NRCAM: variants seen among roughly 807,000 people sequenced by gnomAD.
NRCAM encodes the protein neuronal cell adhesion molecule.
Under a neutral mutation model 156.5 loss-of-function variants are expected in NRCAM, and 83 were observed. That is an observed-to-expected ratio of 0.53 (90% CI 0.44 to 0.64). NRCAM has a LOEUF of 0.64. NRCAM is among the 30% of genes least tolerant of loss of function. The pLI is 0.00. For synonymous variants in NRCAM, 538 were observed against 563.9 expected (o/e 0.95, Z 0.65); for missense variants, 1,417 against 1,597.3 (o/e 0.89, Z 1.92).
At position 108,209,416 on chromosome 7, in the gene NRCAM, T is replaced by C. The variant is rs754754511; in HGVS notation, c.1075+5A>G. On this transcript the variant is annotated splice_donor_5th_base_variant and intron_variant, in intron 12 of 32. Transcript: ENST00000379028. Reference sequence around the variant, plus strand: ...GGCAAGAAGAATGGATTTTAAACAATATACCTTTAACTCTAACAGAAATGG... The same window carrying C: ...GGCAAGAAGAATGGATTTTAAACAACATACCTTTAACTCTAACAGAAATGG... 2 of 1,563,162 alleles carry C rather than the reference T, an allele frequency of 1.3e-6. No homozygotes were observed. The highest frequency in any genetic ancestry group is 2.1e-5 in the Admixed American group (1 of 48,694).
At chr7:108,271,371 C>T (rs911832060) in intron 3 of NRCAM, among the ~76,000 whole-genome samples, 20 of 152,310 alleles carry the variant, frequency 1.3e-4, no homozygotes, top group Non-Finnish European at 2.4e-4. Context: ...ACTGTGCCCA[C>T]ACTTTCTCTT....
intron 30 of NRCAM, among the ~76,000 whole-genome samples, chr7:108,161,213 C>CA (rs2048742729): frequency 6.6e-6 from 1 of 151,324 alleles, no homozygotes; most frequent in Admixed American, 6.6e-5. Context: ...GAATATCTCT[C>CA]AGTCAGTGAA....
At chr7:108,244,236 T>C (rs553483588) in intron 3 of NRCAM, among the ~76,000 whole-genome samples, 10 of 151,834 alleles carry the variant, frequency 6.6e-5, no homozygotes, top group African/African-American at 2.2e-4. Context: ...TCCATGCTGG[T>C]TGAACACATA....
chr7:108,293,981 A>T (rs535966268), intron 3 of NRCAM, among the ~76,000 whole-genome samples: 3 of 152,044 alleles, frequency 2.0e-5, no homozygotes, highest in Non-Finnish European at 4.4e-5. Context: ...AGGAGTTTGC[A>T]CCCTAAATTT....
intron 19 of NRCAM, 148 bp downstream of exon 19, chr7:108,191,106 G>C (rs1257557565): frequency 1.1e-5 from 6 of 562,784 alleles, no homozygotes; most frequent in African/African-American, 3.9e-5. Flanking sequence ...TTCATTGTCA[G>C]TAAATGGGTG....
intron 1 of NRCAM, among the ~76,000 whole-genome samples, chr7:108,424,837 A>AAT (rs1350442764): frequency 6.6e-6 from 1 of 152,122 alleles, no homozygotes; most frequent in African/African-American, 2.4e-5. Flanking sequence ...TGTCTAATAG[A>AAT]ATATATATGA....
At chr7:108,364,031 A>G (rs928750424) in intron 2 of NRCAM, among the ~76,000 whole-genome samples, 2 of 152,226 alleles carry the variant, frequency 1.3e-5, no homozygotes, top group Non-Finnish European at 2.9e-5. Flanking sequence ...ATAATAATGT[A>G]TTCATATTGA....
intron 3 of NRCAM, among the ~76,000 whole-genome samples, chr7:108,295,937 TG>T (rs2098445885): frequency 6.6e-6 from 1 of 152,120 alleles, no homozygotes; most frequent in African/African-American, 2.4e-5. Context: ...GCTTTGTATA[TG>T]GGGGGTTCTG....
In NRCAM at chr7:108,413,918, G is replaced by A. The variant is rs553806696; in HGVS notation, c.-331-14325C>T. On this transcript the variant is annotated intron_variant, in intron 1 of 32. Coordinates refer to ENST00000379028, the MANE Select transcript of NRCAM (RefSeq NM_001037132.4). ...CATCAGCTGTCTCAGCCTCTCTGTA[G>A]CTGATGGCTCTGACTCAGCCTCTGT... 1.8e-4 allele frequency among the ~76,000 whole-genome samples: 28 copies of A among 152,228 alleles called. 1 individual carries two copies. In the South Asian group the frequency reaches 5.6e-3, roughly 30 times the overall value.
chr7:108,255,881 G>A (rs867483739), intron 3 of NRCAM, among the ~76,000 whole-genome samples: 5 of 149,064 alleles, frequency 3.4e-5, no homozygotes, highest in South Asian at 4.3e-4. Flanking sequence ...AGTGAGGAGC[G>A]TCTCCGCCCG....
intron 1 of NRCAM, among the ~76,000 whole-genome samples, chr7:108,438,298 C>T (rs1416686467): frequency 1.3e-5 from 2 of 151,954 alleles, no homozygotes; most frequent in African/African-American, 4.8e-5. Context: ...GATCTGAATT[C>T]GGCAGCACAT....
intron 1 of NRCAM, among the ~76,000 whole-genome samples, chr7:108,414,004 T>C (rs1178019099): frequency 2.0e-5 from 3 of 152,210 alleles, no homozygotes; most frequent in Non-Finnish European, 4.4e-5. Context: ...GCTGCTATTA[T>C]AGAGACTCTG....
At chr7:108,390,267 C>G (rs2099755387) in intron 2 of NRCAM, among the ~76,000 whole-genome samples, 1 of 152,122 alleles carries the variant, frequency 6.6e-6, no homozygotes, top group Non-Finnish European at 1.5e-5. Flanking sequence ...CAACTTCTTC[C>G]TGGTTTAGTC....
chr7:108,384,892 T>A (rs1236598148), intron 2 of NRCAM, among the ~76,000 whole-genome samples: 1 of 152,244 alleles, frequency 6.6e-6, no homozygotes, highest in Non-Finnish European at 1.5e-5. Flanking sequence ...GATACTAGCT[T>A]GCCCTAGTTA....
chr7:108,394,248 A>T (rs1162546128), intron 2 of NRCAM, among the ~76,000 whole-genome samples: 1 of 152,220 alleles, frequency 6.6e-6, no homozygotes, highest in Non-Finnish European at 1.5e-5. Flanking sequence ...AAGAAGCTGG[A>T]GAAAGAGTGC....
intron 3 of NRCAM, among the ~76,000 whole-genome samples, chr7:108,283,563 A>G (rs1436746117): frequency 6.6e-6 from 1 of 152,208 alleles, no homozygotes; most frequent in Non-Finnish European, 1.5e-5. Flanking sequence ...TGTCAGGAGT[A>G]AAAGGAGATA....
intron 1 of NRCAM, among the ~76,000 whole-genome samples, chr7:108,441,030 G>T (rs1837931878): frequency 6.6e-6 from 1 of 152,088 alleles, no homozygotes; most frequent in Admixed American, 6.6e-5. Flanking sequence ...TCAACTGGAT[G>T]GTTATCTTGT....
chr7:108,334,442 T>C (rs1301251350), intron 2 of NRCAM, among the ~76,000 whole-genome samples: 1 of 152,212 alleles, frequency 6.6e-6, no homozygotes, highest in Non-Finnish European at 1.5e-5. Context: ...CGAATTGATC[T>C]TCCATGGGTC....
chr7:108,371,844 C>T (rs904331203), intron 2 of NRCAM, among the ~76,000 whole-genome samples: 5 of 152,056 alleles, frequency 3.3e-5, no homozygotes, highest in South Asian at 4.1e-4. Flanking sequence ...ATCTCAATGG[C>T]ATTTTAACAG....
Sources: gnomAD v4.1 joint callset for allele counts (sites outside exome capture counted in the v4.1 genomes callset) on GRCh38, gnomAD v4.1.1 for gene constraint, MANE v1.5 for transcripts, NCBI Gene and HGNC (gene_info 2026-07-23, HGNC 2026-07-21) for gene names.